The following PARVB variants were observed in gnomAD, a reference collection of about 807,000 sequenced individuals.
The protein encoded by PARVB is beta-parvin.
In PARVB, 46 loss-of-function variants were observed where a neutral mutation model predicts 47.0. The observed-to-expected ratio is 0.98, with a 90% CI of 0.77 to 1.25. PARVB has a LOEUF of 1.25. Ranked by LOEUF, PARVB falls within the 50% of genes most tolerant of loss-of-function variation. The probability of loss-of-function intolerance (pLI) is 0.00; values close to 1 mark genes in which losing one functional copy is unlikely to be tolerated. For missense variants in PARVB, 473 were observed against 471.6 expected, an observed-to-expected ratio of 1.00 and a Z score of -0.03; for synonymous variants, 196 against 196.3, an observed-to-expected ratio of 1.00 and a Z score of 0.01.
intron 12 of PARVB, among the ~76,000 whole-genome samples, chr22:44,167,454 G>A (rs1414498622): frequency 6.6e-6 from 1 of 152,250 alleles, no homozygotes; most frequent in Non-Finnish European, 1.5e-5. Context: ...CTGCGTGGGG[G>A]CATCGGTGTC....
At chr22:44,154,515 T>TGC (rs754030712) in intron 10 of PARVB, among the ~76,000 whole-genome samples, 3 of 150,038 alleles carry the variant, frequency 2.0e-5, no homozygotes, top group East Asian at 2.0e-4. Context: ...TGTGTGTGTG[T>TGC]GGTTTATGTA....
At chr22:44,118,579 T>C (rs2052966209) in intron 3 of PARVB, among the ~76,000 whole-genome samples, 1 of 152,218 alleles carries the variant, frequency 6.6e-6, no homozygotes, top group African/African-American at 2.4e-5. Flanking sequence ...CTTGACTGTC[T>C]TGGGGTGATG....
intron 2 of PARVB, among the ~76,000 whole-genome samples, chr22:44,098,209 C>G (rs925580423): frequency 6.6e-6 from 1 of 152,206 alleles, no homozygotes; most frequent in Non-Finnish European, 1.5e-5. Context: ...CCTGCTCACT[C>G]TCCGTCCTGC....
intron 8 of PARVB, chr22:44,141,856 TA>T (rs1408605998): frequency 6.6e-6 from 1 of 152,288 alleles, no homozygotes; most frequent in African/African-American, 2.4e-5. Flanking sequence ...TTGTCTCTAT[TA>T]TTAAAAAACA....
rs2050725728 is a variant in PARVB at position 44,026,202 on chromosome 22, T to G, written c.112+1751T>G. The G allele has an allele frequency of 1.2e-5, 6 of 507,478 alleles. No individual in the cohort carries two copies. In the South Asian group the frequency reaches 3.4e-4, roughly 29 times the overall value. The allele number at this position is 507,478 out of a possible 1,614,324, so 31.4% of individuals were successfully genotyped here. A position where few individuals can be genotyped will look rare whatever the true frequency, so the allele number is the denominator to read the frequency against. ...CCCAAATTCCAAAGTACGCAGTGCT[T>G]CTCCTCCTTGCCTGTATGAATTGAT... is the stretch of plus-strand genomic sequence containing the variant. On this transcript the variant is annotated intron_variant, in intron 1 of 12. Coordinates refer to ENST00000338758, the MANE Select transcript of PARVB (RefSeq NM_013327.5).
intron 1 of PARVB, among the ~76,000 whole-genome samples, chr22:44,077,957 C>T (rs775137564): frequency 6.6e-5 from 10 of 152,098 alleles, no homozygotes; most frequent in Non-Finnish European, 2.9e-5. Context: ...CTCAGCCTCC[C>T]GAAGTGCTGG....
In PARVB at chr22:44,151,672, C is replaced by T. The variant is rs143412282; in HGVS notation, c.843+121C>T. On this transcript the variant is annotated intron_variant, in intron 10 of 12. Coordinates refer to ENST00000338758, the MANE Select transcript of PARVB (RefSeq NM_013327.5). ...TTTTGTTCATCTCACAAGGAACTCC[C>T]GTGGTGCAGGCAGAAATAACCACCG... The T allele has an allele frequency of 1.1e-4, 86 of 755,262 alleles. No individual in the cohort carries two copies. The Admixed American group carries it at 1.4e-3, about 12-fold the overall frequency. The allele number at this position is 755,262 out of a possible 1,614,324, so 46.8% of individuals were successfully genotyped here. A position where few individuals can be genotyped will look rare whatever the true frequency, so the allele number is the denominator to read the frequency against.
At chr22:44,001,626 G>A (rs542238907) in intron 2 of PARVB, among the ~76,000 whole-genome samples, 1 of 152,316 alleles carries the variant, frequency 6.6e-6, no homozygotes, top group African/African-American at 2.4e-5. Flanking sequence ...AGAAGTTAGG[G>A]AGGTATTGGG....
intron 1 of PARVB, chr22:43,999,495 T>A (rs772496817): frequency 3.9e-6 from 6 of 1,554,954 alleles, no homozygotes; most frequent in Non-Finnish European, 4.4e-6. Context: ...CTTGAGAAAC[T>A]GGATCCGACA....
chr22:44,038,808 A>G (rs1199770548), intron 1 of PARVB, among the ~76,000 whole-genome samples: 2 of 152,152 alleles, frequency 1.3e-5, no homozygotes, highest in Admixed American at 6.5e-5. Flanking sequence ...AAAACAAAAA[A>G]GCTGGACCTG....
chr22:44,134,722 G>A lies in PARVB; in HGVS notation c.633+1713G>A, dbSNP rs569340420. On this transcript the variant is annotated intron_variant, in intron 6 of 12. Coordinates refer to ENST00000338758, the MANE Select transcript of PARVB (RefSeq NM_013327.5). ...CCCTTATCTAACCCCAGATGGAATG[G>A]TTGGTGTAAGGGATGTGGCATTTCC... Among the ~76,000 whole-genome samples the A allele has an allele frequency of 4.6e-5, 7 of 152,326 alleles. No individual in the cohort carries two copies. In the East Asian group the frequency reaches 7.7e-4, roughly 17 times the overall value.
intron 9 of PARVB, chr22:44,150,835 A>C (rs1184392138): frequency 6.6e-6 from 1 of 151,942 alleles, no homozygotes; most frequent in African/African-American, 2.4e-5. Context: ...ATCCTGGCTA[A>C]CACAGTGAAA....
intron 3 of PARVB, among the ~76,000 whole-genome samples, chr22:44,101,402 C>T (rs915471728): frequency 3.6e-4 from 51 of 142,838 alleles, no homozygotes; most frequent in Non-Finnish European, 6.7e-4. Flanking sequence ...AGCGAGGCTC[C>T]GTCTCAAAAA....
chr22:44,095,428 C>T (rs1333778357), intron 2 of PARVB, among the ~76,000 whole-genome samples: 2 of 151,628 alleles, frequency 1.3e-5, no homozygotes, highest in Non-Finnish European at 2.9e-5. Context: ...CGCTTGAACC[C>T]GGGATTGGGA....
chr22:44,138,296 A>G (rs2053482813), intron 7 of PARVB, among the ~76,000 whole-genome samples: 1 of 152,106 alleles, frequency 6.6e-6, no homozygotes, highest in Non-Finnish European at 1.5e-5. Context: ...TTCCAGGAGG[A>G]GGGGAGCACC....
intron 2 of PARVB, among the ~76,000 whole-genome samples, chr22:44,005,948 C>T (rs527415567): frequency 3.3e-5 from 5 of 152,104 alleles, no homozygotes; most frequent in African/African-American, 1.2e-4. Flanking sequence ...TGCGTTTTGC[C>T]CAATTCTTTG....
intron 3 of PARVB, among the ~76,000 whole-genome samples, chr22:44,101,411 A>AAAT (rs1458616905): frequency 7.1e-6 from 1 of 141,754 alleles, no homozygotes; most frequent in African/African-American, 3.1e-5. Flanking sequence ...CCGTCTCAAA[A>AAAT]AAAAATAAAA....
chr22:44,103,721 A>G lies in PARVB; in HGVS notation c.273+3598A>G, dbSNP rs183487789. 1 of 152,272 alleles carries G rather than the reference A, an allele frequency of 6.6e-6. No individual in the cohort carries two copies. Among genetic ancestry groups the G allele is most frequent in the Non-Finnish European group, 1.5e-5 (1 of 68,066 alleles). The allele number at this position is 152,272 out of a possible 1,614,324, so 9.4% of individuals were successfully genotyped here. ...GGGACATGGGGAGCTTTGACTGCCC[A>G]TGAACATGGCAGCTTGACCCTGGAG... On this transcript the variant is annotated intron_variant, in intron 3 of 12. Coordinates refer to ENST00000338758, the MANE Select transcript of PARVB (RefSeq NM_013327.5). The surrounding 1 kb of genome is among the most constrained non-coding windows in gnomAD (Gnocchi z 4.6).
At chr22:44,020,176 C>CTT (rs60438723), upstream of PARVB, among the ~76,000 whole-genome samples, 3,971 of 136,138 alleles carry the variant, frequency 0.029, 213 homozygotes, top group African/African-American at 0.1. Flanking sequence ...ACAGTCACCA[C>CTT]TTTTTTTTTT....
Sources: allele counts gnomAD v4.1 joint callset (sites outside exome capture counted in the v4.1 genomes callset), GRCh38; gene constraint gnomAD v4.1.1; non-coding constraint Gnocchi (gnomAD v3.1); transcripts MANE v1.5; gene names NCBI Gene and HGNC (gene_info 2026-07-23, HGNC 2026-07-21).